Variants in NEU4 observed in about 807,000 individuals in gnomAD.
The protein encoded by NEU4 is sialidase-4.
Under a neutral mutation model 9.9 loss-of-function variants are expected in NEU4, and 7 were observed. That is an observed-to-expected ratio of 0.71 (90% CI 0.40 to 1.33). The LOEUF (loss-of-function observed/expected upper bound fraction) is 1.33, where lower values mean the gene tolerates loss of function less well. NEU4 is among the 40% of genes most tolerant of loss of function. The pLI is 0.01. For missense variants in NEU4, 717 were observed against 712.6 expected (o/e 1.01, Z -0.07); for synonymous variants, 348 against 316.9 (o/e 1.10, Z -1.04).
chr2:241,814,231 A>G, intron 1 of NEU4: 1 of 631,848 alleles, frequency 1.6e-6, no homozygotes, highest in East Asian at 2.9e-5. Context: ...AGCCGTGTTG[A>G]GAGGGGAAGG....
intron 1 of NEU4, chr2:241,811,302 A>G: frequency 7.6e-7 from 1 of 1,314,236 alleles, no homozygotes; most frequent in Admixed American, 3.4e-5. Flanking sequence ...TCTGGGCTTC[A>G]GTGGAGCCGT....
rs747540969 is a variant in NEU4 at position 241,816,059 on chromosome 2, A to G, written c.466A>G (p.Thr156Ala). 2.5e-6 allele frequency: 4 copies of G among 1,603,298 alleles called. No individual in the cohort carries two copies. Among genetic ancestry groups the G allele is most frequent in the Non-Finnish European group, 3.4e-6 (4 of 1,175,730 alleles). ...TGCCCTCCTCCCTGCAGACTGGGCC[A>G]CATTCGCTGTGGGTCCCGGCCACGG... is the stretch of plus-strand genomic sequence containing the variant. ...AIGGAVQDWA[T>A]FAVGPGHGVQ... Residue 156 changes from threonine (T) to alanine (A), a missense_variant, in exon 4 of 4, where the codon ACA becomes GCA. Physicochemically the swap from Thr to Ala is moderately conservative, Grantham distance 58. Transcript: ENST00000407683.
At chr2:241,810,706 A>G (rs1333626017) in intron 1 of NEU4, 4 of 156,318 alleles carry the variant, frequency 2.6e-5, no homozygotes, top group Non-Finnish European at 5.6e-5. Context: ...GCCAGCGTGA[A>G]AGGGACTGGC....
chr2:241,813,613 A>G, intron 1 of NEU4: 8 of 1,054,260 alleles, frequency 7.6e-6, no homozygotes, highest in Non-Finnish European at 1.1e-5. Flanking sequence ...AACTCCCAGA[A>G]TGGCCGCCGG....
Position 241,815,126 on chromosome 2 carries a change from G to A in NEU4, c.436G>A (p.Ala146Thr). The A allele has an allele frequency of 1.9e-6, 3 of 1,569,396 alleles. No homozygotes were observed. The highest frequency in any genetic ancestry group is 2.6e-6 in the Non-Finnish European group (3 of 1,160,850). Residue 146 changes from alanine to threonine, a missense_variant, in exon 3 of 4, where the codon GCC becomes ACC. By Grantham distance (58) the Ala-to-Thr change is moderately conservative (BLOSUM62 0). Transcript: ENST00000407683. ...CAGCGCCCGGGACCTCACCGAGGAG[G>A]CCATCGGTGGTGCCGTGCAGGGTAG... ...WGSARDLTEE[A>T]IGGAVQDWAT...
Position 241,814,635 on chromosome 2 carries a change from GC to G in NEU4, c.154del (p.His52ThrfsTer5). 6.3e-7 allele frequency: 1 copy of G among 1,593,304 alleles called. No homozygotes were observed. The highest frequency in any genetic ancestry group is 8.5e-7 in the Non-Finnish European group (1 of 1,171,216). ...EQRLSPDDSH[A>X]HRLVLRRGTL... ...GCGGCTCAGCCCTGACGACTCCCAC[GC>G]CCACCGCCTGGTGCTGAGGAGGGGC... On this transcript the variant is annotated frameshift_variant, in exon 2 of 4. Coordinates refer to ENST00000407683, the MANE Select transcript of NEU4 (RefSeq NM_001167600.3). LOFTEE classifies it high-confidence loss of function.
In NEU4 at chr2:241,814,608, C is replaced by T; in HGVS notation, c.124C>T (p.Gln42Ter). ...GCCCACCCTGCTGGCCTTTGTGGAG[C>T]AGCGGCTCAGCCCTGACGACTCCCA... is the stretch of plus-strand genomic sequence containing the variant. ...PGPTLLAFVEQRLSPDDSHAH... is the reference protein window; with the variant it reads ...PGPTLLAFVE The change falls in exon 2 of 4, where the codon CAG becomes TAG. Residue 42 changes from glutamine (Q) to a stop codon, truncating the protein, a stop_gained. Coordinates refer to ENST00000407683, the MANE Select transcript of NEU4 (RefSeq NM_001167600.3). LOFTEE classifies it high-confidence loss of function. The T allele has an allele frequency of 1.2e-6, 2 of 1,609,188 alleles. No homozygotes were observed. Among genetic ancestry groups the T allele is most frequent in the Middle Eastern group, 1.7e-4 (1 of 5,968 alleles).
At chr2:241,811,729 T>C in intron 1 of NEU4, 1 of 386,126 alleles carries the variant, frequency 2.6e-6, no homozygotes. Flanking sequence ...GGTGTGACAC[T>C]GAGGGTTCCT....
chr2:241,814,743 A>T, intron 2 of NEU4, 58 bp downstream of exon 2: 1 of 1,511,514 alleles, frequency 6.6e-7, no homozygotes, highest in Middle Eastern at 2.4e-4. Context: ...CTGGGGCTGC[A>T]CACCCCGGGA....
chr2:241,811,175 C>T (rs1200705358), intron 1 of NEU4: 27 of 1,228,626 alleles, frequency 2.2e-5, no homozygotes, highest in Admixed American at 1.7e-4. Context: ...TGTTGGAGGG[C>T]GCACCCCCGT....
rs1484790438 is a variant in NEU4 at position 241,817,131 on chromosome 2, G to A, written c.*83G>A. ...GTTGGGGTGCCCCACGATAGCTGTG[G>A]GGGGGGCTCTTAGTGCAGGATCCTG... On this transcript the variant is annotated 3_prime_UTR_variant, in exon 4 of 4. Coordinates refer to ENST00000407683, the MANE Select transcript of NEU4 (RefSeq NM_001167600.3). 49 of 1,376,440 alleles carry A rather than the reference G, an allele frequency of 3.6e-5. No individual in the cohort carries two copies. The highest frequency in any genetic ancestry group is 4.4e-5 in the Non-Finnish European group (46 of 1,040,496). 85.3% of individuals were successfully genotyped at this position (1,376,440 alleles called of 1,614,324 possible). A position where few individuals can be genotyped will look rare whatever the true frequency, so the allele number is the denominator to read the frequency against.
chr2:241,811,788 C>T (rs1244194799), intron 1 of NEU4: 3 of 326,438 alleles, frequency 9.2e-6, no homozygotes, highest in African/African-American at 2.1e-5. Context: ...TGTGAGGGGC[C>T]CAATGCAGGG....
At chr2:241,811,508 G>A (rs148195275) in intron 1 of NEU4, 119 of 1,446,192 alleles carry the variant, frequency 8.2e-5, no homozygotes, top group South Asian at 1.9e-4. Flanking sequence ...CCCTCTACCC[G>A]GGCGCCCGGG....
chr2:241,813,659 G>T (rs575800458), intron 1 of NEU4: 2 of 655,514 alleles, frequency 3.1e-6, no homozygotes. Context: ...ATTCCTGTGG[G>T]CGCTTCTCAG....
Position 241,817,223 on chromosome 2 carries a change from G to A in NEU4, c.*175G>A, listed in dbSNP as rs572795699. ...ACTGCTCTTTAGGAAGGGGAGCAGCGGCTGGGAGTGAGCAGGGCAGGGTGG... is the reference window on the plus strand; with the variant it reads ...ACTGCTCTTTAGGAAGGGGAGCAGCAGCTGGGAGTGAGCAGGGCAGGGTGG... On this transcript the variant is annotated 3_prime_UTR_variant, in exon 4 of 4. Transcript: ENST00000407683. 14 of 673,330 alleles carry A rather than the reference G, an allele frequency of 2.1e-5. No individual in the cohort carries two copies. Among genetic ancestry groups the A allele is most frequent in the East Asian group, 1.4e-4 (5 of 34,810 alleles). 41.7% of individuals were successfully genotyped at this position (673,330 alleles called of 1,614,324 possible). A position where few individuals can be genotyped will look rare whatever the true frequency, so the allele number is the denominator to read the frequency against.
chr2:241,817,027 G>T lies in NEU4; in HGVS notation c.1434G>T (p.Arg478=). 6.3e-7 allele frequency: 1 copy of T among 1,598,906 alleles called. No homozygotes were observed. The highest frequency in any genetic ancestry group is 8.5e-7 in the Non-Finnish European group (1 of 1,173,226). ...CGCCCAACCTTGGGGACAAGCCTCGGGGGTGCTGCTGGCCCTCCTGACAGG... is the reference window on the plus strand; with the variant it reads ...CGCCCAACCTTGGGGACAAGCCTCGTGGGTGCTGCTGGCCCTCCTGACAGG... ...PKPPNLGDKP[R]GCCWPS Residue 478 remains arginine, a synonymous_variant, in exon 4 of 4, where the codon CGG becomes CGT. Transcript: ENST00000407683.
In NEU4 at chr2:241,816,933, A is replaced by G; in HGVS notation, c.1340A>G (p.Tyr447Cys). 2.5e-6 allele frequency: 4 copies of G among 1,612,860 alleles called. No homozygotes were observed. Among genetic ancestry groups the G allele is most frequent in the Non-Finnish European group, 3.4e-6 (4 of 1,179,942 alleles). ...TACGAGAGCGGGGCCAGGACCTCCT[A>G]TGATGAGATTTCCTTTTGTACATTC... Reference protein sequence around the residue: ...CLYESGARTSYDEISFCTFSL... With the variant: ...CLYESGARTSCDEISFCTFSL... Residue 447 changes from tyrosine (Y) to cysteine (C), a missense_variant, in exon 4 of 4, where the codon TAT (tyrosine) becomes TGT (cysteine). Transcript: ENST00000407683.
At chr2:241,813,556 A>C in intron 1 of NEU4, 2 of 1,262,844 alleles carry the variant, frequency 1.6e-6, no homozygotes, top group Non-Finnish European at 2.1e-6. Flanking sequence ...CGTGCCCCAA[A>C]TGCCCCCTCA....
rs373801719 is a variant in NEU4 at position 241,817,003 on chromosome 2, G to A, written c.1410G>A (p.Pro470=). ...AGAACGTGCCCGCCAGCCCCAAACC[G>A]CCCAACCTTGGGGACAAGCCTCGGG... The part of the protein sequence containing the change: ...VLENVPASPK[P]PNLGDKPRGC... Residue 470 remains proline (P), a synonymous_variant, in exon 4 of 4, where the codon CCG becomes CCA. Coordinates refer to ENST00000407683, the MANE Select transcript of NEU4 (RefSeq NM_001167600.3). 3.2e-5 allele frequency: 51 copies of A among 1,607,772 alleles called. No individual in the cohort carries two copies. Among genetic ancestry groups the A allele is most frequent in the Non-Finnish European group, 4.3e-5 (51 of 1,177,660 alleles).
Sources: gnomAD v4.1 joint callset for allele counts on GRCh38, gnomAD v4.1.1 for gene constraint, MANE v1.5 for transcripts, NCBI Gene and HGNC (gene_info 2026-07-23, HGNC 2026-07-21) for gene names.